ODAD2: variants seen among roughly 807,000 people sequenced by gnomAD.
ODAD2 encodes outer dynein arm-docking complex subunit 2.
ODAD2 carries 89 observed loss-of-function variants against 106.8 expected under a neutral mutation model. The ratio of observed to expected loss-of-function variants is 0.83; its 90% confidence interval spans 0.70 to 0.99. ODAD2 has a LOEUF of 0.99. ODAD2 is among the 50% of genes least tolerant of loss of function. The pLI is 0.00. For synonymous variants in ODAD2, 404 were observed against 436.2 expected, an observed-to-expected ratio of 0.93 and a Z score of 0.92; for missense variants, 1,168 against 1,238.5, an observed-to-expected ratio of 0.94 and a Z score of 0.85.
chr10:27,846,238 G>T (rs1169473577), intron 19 of ODAD2, among the ~76,000 whole-genome samples: 1 of 152,108 alleles, frequency 6.6e-6, no homozygotes, highest in Non-Finnish European at 1.5e-5. Context: ...AGACCACAGT[G>T]CAATCAAACT....
At chr10:27,952,844 G>A (rs918550632) in intron 10 of ODAD2, among the ~76,000 whole-genome samples, 2 of 152,040 alleles carry the variant, frequency 1.3e-5, no homozygotes, top group Non-Finnish European at 2.9e-5. Context: ...TTTGCTTTCT[G>A]TAAGGAGCTA....
chr10:27,817,097 C>T (rs1248400048), intron 19 of ODAD2, among the ~76,000 whole-genome samples: 1 of 152,134 alleles, frequency 6.6e-6, no homozygotes, highest in East Asian at 1.9e-4. Context: ...TGCATGCATA[C>T]ACACTTTTAT....
Position 27,859,212 on chromosome 10 carries a change from G to A in ODAD2, c.3021+1413C>T, listed in dbSNP as rs1839871579. Among the ~76,000 whole-genome samples the A allele has an allele frequency of 2.0e-5, 3 of 151,850 alleles. No individual in the cohort carries two copies. The East Asian group carries it at 5.8e-4, about 29-fold the overall frequency. On this transcript the variant is annotated intron_variant, in intron 19 of 19. Transcript: ENST00000305242. ...CATTCCTGAACAACTTGAAGTTAAT[G>A]GTCCAATATGTTTTTTATAGTTTAC...
intron 19 of ODAD2, among the ~76,000 whole-genome samples, chr10:27,835,713 G>T (rs1837821955): frequency 6.6e-6 from 1 of 152,028 alleles, no homozygotes; most frequent in South Asian, 2.1e-4. Flanking sequence ...TATGCAGAAA[G>T]TCATAAGGAA....
intron 16 of ODAD2, among the ~76,000 whole-genome samples, chr10:27,910,451 T>C (rs1843919310): frequency 6.6e-6 from 1 of 152,016 alleles, no homozygotes; most frequent in Non-Finnish European, 1.5e-5. Flanking sequence ...GTACTAGGCA[T>C]ACAGAAATAA....
At chr10:27,977,135 A>G (rs894628146) in intron 7 of ODAD2, among the ~76,000 whole-genome samples, 14 of 152,200 alleles carry the variant, frequency 9.2e-5, no homozygotes, top group Non-Finnish European at 2.1e-4. Flanking sequence ...AAAAATCTCT[A>G]GAAGAAAACA....
chr10:27,996,269 A>G (rs1475077249), intron 1 of ODAD2, among the ~76,000 whole-genome samples: 1 of 152,224 alleles, frequency 6.6e-6, no homozygotes, highest in Non-Finnish European at 1.5e-5. Context: ...TACTCCCATC[A>G]TTATTAAAAA....
chr10:27,891,277 ACTTCT>A (rs1842544720), intron 17 of ODAD2, among the ~76,000 whole-genome samples: 1 of 152,086 alleles, frequency 6.6e-6, no homozygotes, highest in African/African-American at 2.4e-5. Flanking sequence ...ACAGAAATTA[ACTTCT>A]CTTCTCTTTT....
At chr10:27,998,402 G>A (rs181503170) in intron 1 of ODAD2, among the ~76,000 whole-genome samples, 72 of 152,280 alleles carry the variant, frequency 4.7e-4, no homozygotes, top group African/African-American at 1.6e-3. Flanking sequence ...GTAAGGGGAC[G>A]AGGAGGGAAG....
Position 27,983,946 on chromosome 10 carries a change from G to A in ODAD2, c.716C>T (p.Pro239Leu), listed in dbSNP as rs1258575248. Residue 239 changes from proline (P) to leucine (L), a missense_variant, in exon 6 of 20, where the codon CCG becomes CTG. Transcript: ENST00000305242. ...YEFSNGCRAPPWRQIRGEICY... is the reference protein window; with the variant it reads ...YEFSNGCRAPLWRQIRGEICY... ...AATTTCCCCACGAATTTGTCTCCAC[G>A]GTGGGGCTCGACATCCATTTGAAAA... 5.0e-6 allele frequency: 8 copies of A among 1,608,566 alleles called. No individual in the cohort carries two copies. Among genetic ancestry groups the A allele is most frequent in the East Asian group, 2.2e-5 (1 of 44,866 alleles).
At chr10:27,946,387 T>G (rs527250123) in intron 10 of ODAD2, among the ~76,000 whole-genome samples, 26 of 151,762 alleles carry the variant, frequency 1.7e-4, no homozygotes, top group African/African-American at 6.0e-4. Flanking sequence ...AAGTTTTTAA[T>G]TTTTAAAAAT....
At chr10:27,952,586 C>A (rs911105815) in intron 10 of ODAD2, among the ~76,000 whole-genome samples, 16 of 152,066 alleles carry the variant, frequency 1.1e-4, no homozygotes, top group African/African-American at 3.9e-4. Context: ...TGTGTTGTTA[C>A]CCTCCCTGTG....
intron 10 of ODAD2, among the ~76,000 whole-genome samples, chr10:27,955,668 C>T (rs1176714309): frequency 6.6e-6 from 1 of 151,114 alleles, no homozygotes; most frequent in African/African-American, 2.4e-5. Context: ...TTCCAATTAC[C>T]ACTCGAAAGA....
chr10:27,984,619 G>A (rs1466558930), intron 4 of ODAD2, among the ~76,000 whole-genome samples: 1 of 152,102 alleles, frequency 6.6e-6, no homozygotes, highest in Non-Finnish European at 1.5e-5. Context: ...TTGTGTAATA[G>A]TCTTGAGAGC....
intron 1 of ODAD2, 70 bp from the exon 2 acceptor site, chr10:27,995,250 G>GACTTTAACTAGTTTA (rs1393678529): frequency 1.2e-5 from 17 of 1,452,478 alleles, no homozygotes. Context: ...TCATTCTCAA[G>GACTTTAACTAGTTTA]ACTTTAAACT....
chr10:27,984,516 T>C (rs1026458162), intron 4 of ODAD2, among the ~76,000 whole-genome samples: 12 of 152,252 alleles, frequency 7.9e-5, no homozygotes, highest in African/African-American at 2.9e-4. Context: ...CTTTATTTCA[T>C]GCTGATAATA....
At chr10:27,888,388 T>C (rs548374705) in intron 17 of ODAD2, among the ~76,000 whole-genome samples, 2 of 152,304 alleles carry the variant, frequency 1.3e-5, no homozygotes, top group East Asian at 3.9e-4. Flanking sequence ...GATATCTCAC[T>C]GTGGTTTTTA....
At chr10:27,930,535 G>A (rs115727002) in intron 16 of ODAD2, among the ~76,000 whole-genome samples, 2 of 151,450 alleles carry the variant, frequency 1.3e-5, no homozygotes, top group Non-Finnish European at 2.9e-5. Flanking sequence ...AACAGGCTGA[G>A]AGAATGGCGT....
chr10:27,956,241 GCACAC>G (rs1273980548), intron 10 of ODAD2, among the ~76,000 whole-genome samples: 1 of 151,980 alleles, frequency 6.6e-6, no homozygotes, highest in African/African-American at 2.4e-5. Flanking sequence ...GATTCACTTG[GCACAC>G]CACCTGCTGC....
Sources: allele counts gnomAD v4.1 joint callset (sites outside exome capture counted in the v4.1 genomes callset), GRCh38; gene constraint gnomAD v4.1.1; transcripts MANE v1.5; gene names NCBI Gene and HGNC (gene_info 2026-07-23, HGNC 2026-07-21).